EGFR: variants seen among roughly 807,000 people sequenced by gnomAD.
EGFR encodes the protein avian erythroblastic leukemia viral (v-erb-b) oncogene homolog.
Under a neutral mutation model 143.0 loss-of-function variants are expected in EGFR, and 58 were observed. The ratio of observed to expected loss-of-function variants is 0.41; its 90% CI spans 0.33 to 0.50. EGFR has a LOEUF of 0.50. Among genes scored for constraint, EGFR ranks in the 20% least tolerant of loss-of-function variants. The pLI is 0.39. For synonymous variants in EGFR, 613 were observed against 594.4 expected, an observed-to-expected ratio of 1.03 and a Z score of -0.45; for missense variants, 1,307 against 1,579.0, an observed-to-expected ratio of 0.83 and a Z score of 2.92.
chr7:55,025,171 A>C (rs928253150), intron 1 of EGFR, among the ~76,000 whole-genome samples: 3 of 152,200 alleles, frequency 2.0e-5, no homozygotes, highest in Non-Finnish European at 4.4e-5. Flanking sequence ...GTGACTGTGA[A>C]CTGACATGCT....
chr7:55,054,270 C>T (rs951259157), intron 1 of EGFR, among the ~76,000 whole-genome samples: 14 of 152,194 alleles, frequency 9.2e-5, no homozygotes, highest in African/African-American at 2.4e-4. Flanking sequence ...ACCTCTAACT[C>T]GACCTTGAGT....
At chr7:55,192,658 C>A (rs1787451260) in intron 21 of EGFR, 108 bp from the exon 22 acceptor site, 6 of 1,012,018 alleles carry the variant, frequency 5.9e-6, no homozygotes, top group Admixed American at 3.7e-5. Flanking sequence ...CTGGGGTGAT[C>A]TGGCTCGTCT....
At chr7:55,094,419 G>A (rs1158312476) in intron 1 of EGFR, among the ~76,000 whole-genome samples, 2 of 152,232 alleles carry the variant, frequency 1.3e-5, no homozygotes, top group Non-Finnish European at 2.9e-5. Flanking sequence ...GGGGAGACTG[G>A]CCTATCCTGT....
chr7:55,170,801 A>G (rs953500982), intron 15 of EGFR: 12 of 1,426,180 alleles, frequency 8.4e-6, no homozygotes, highest in Non-Finnish European at 1.0e-5. Context: ...CGTAATTAGC[A>G]TGGCCCCAGT....
chr7:55,030,491 T>C (rs1452422163), intron 1 of EGFR, among the ~76,000 whole-genome samples: 4 of 152,200 alleles, frequency 2.6e-5, no homozygotes. Flanking sequence ...ATATTTACTT[T>C]AGAAATGAGA....
In EGFR at chr7:55,174,826, T is replaced by G. The variant is rs1562785615; in HGVS notation, c.2283+6T>G. The G allele has an allele frequency of 1.9e-6, 3 of 1,612,794 alleles. No homozygotes were observed. Among genetic ancestry groups the G allele is most frequent in the Non-Finnish European group, 2.5e-6 (3 of 1,178,858 alleles). On this transcript the variant is annotated splice_donor_region_variant and intron_variant, in intron 19 of 27. Transcript: ENST00000275493. ...CCAACAAGGAAATCCTCGATGTGAG[T>G]TTCTGCTTTGCTGTGTGGGGGTCCA...
Position 55,153,946 on chromosome 7 carries a change from T to C in EGFR, c.748-65T>C, listed in dbSNP as rs2128934697. 9 of 1,611,582 alleles carry C rather than the reference T, an allele frequency of 5.6e-6. No homozygotes were observed. In the East Asian group the frequency reaches 1.3e-4, roughly 24 times the overall value. ...GACGGGAGTCAACACCGTGCTGCGCTTCCTCCGTGTGTGGCGCTGAGTGTA... is the reference window on the plus strand; with the variant it reads ...GACGGGAGTCAACACCGTGCTGCGCCTCCTCCGTGTGTGGCGCTGAGTGTA... On this transcript the variant is annotated intron_variant, in intron 6 of 27. Transcript: ENST00000275493.
chr7:55,177,342 T>C (rs1786643644), intron 19 of EGFR, among the ~76,000 whole-genome samples: 1 of 152,142 alleles, frequency 6.6e-6, no homozygotes, highest in Non-Finnish European at 1.5e-5. Flanking sequence ...AATAGCACCT[T>C]AATCCTGTGG....
chr7:55,170,360 C>A (rs749145316), intron 15 of EGFR: 2 of 1,614,200 alleles, frequency 1.2e-6, no homozygotes, highest in Non-Finnish European at 1.7e-6. Context: ...AAACTATCAT[C>A]CTGTAATCAA....
chr7:55,159,346 G>A (rs542212351), intron 11 of EGFR, among the ~76,000 whole-genome samples: 15 of 151,832 alleles, frequency 9.9e-5, no homozygotes, highest in Admixed American at 2.0e-4. Context: ...TGTCCACCGC[G>A]TGCTTTCCTG....
intron 1 of EGFR, among the ~76,000 whole-genome samples, chr7:55,069,236 T>A (rs1789687639): frequency 6.6e-6 from 1 of 152,240 alleles, no homozygotes; most frequent in Non-Finnish European, 1.5e-5. Context: ...CTGCTGTTCA[T>A]GTAAAAAGGA....
intron 15 of EGFR, chr7:55,170,859 G>C (rs1373530170): frequency 2.8e-6 from 4 of 1,411,616 alleles, no homozygotes; most frequent in African/African-American, 1.4e-5. Context: ...TGAAATTCTA[G>C]AGCCAGCTGT....
Position 55,206,406 on chromosome 7 carries a change from G to C in EGFR, c.*789G>C. 4.3e-6 allele frequency: 1 copy of C among 233,334 alleles called. No individual in the cohort carries two copies. The allele number at this position is 233,334 out of a possible 1,614,324, so 14.5% of individuals were successfully genotyped here. A position where few individuals can be genotyped will look rare whatever the true frequency, so the allele number is the denominator to read the frequency against. ...CTCAGTATGCTGCCCCTGTCTTGCT[G>C]TCATGAAATCAGCAAGAGAGGATGA... On this transcript the variant is annotated 3_prime_UTR_variant, in exon 28 of 28. Coordinates refer to ENST00000275493, the MANE Select transcript of EGFR (RefSeq NM_005228.5).
intron 1 of EGFR, among the ~76,000 whole-genome samples, chr7:55,048,561 A>AACC (rs1788310037): frequency 6.6e-6 from 1 of 152,202 alleles, no homozygotes; most frequent in African/African-American, 2.4e-5. Flanking sequence ...TATATTGGTT[A>AACC]AATGCATCTC....
At chr7:55,063,804 G>A (rs17289141) in intron 1 of EGFR, among the ~76,000 whole-genome samples, 1,647 of 152,268 alleles carry the variant, frequency 0.011, 35 homozygotes, top group African/African-American at 0.037. Context: ...CCATCAGTGC[G>A]CTCCACAGCT....
intron 1 of EGFR, among the ~76,000 whole-genome samples, chr7:55,097,497 G>A (rs1210092729): frequency 6.6e-6 from 1 of 152,222 alleles, no homozygotes; most frequent in Non-Finnish European, 1.5e-5. Flanking sequence ...CTATTGTAAA[G>A]CCAATAATAC....
chr7:55,127,749 A>G (rs893648474), intron 1 of EGFR, among the ~76,000 whole-genome samples: 41 of 152,164 alleles, frequency 2.7e-4, no homozygotes, highest in Non-Finnish European at 1.0e-4. Flanking sequence ...CAAAGTACAC[A>G]CTTCCAGTTT....
intron 1 of EGFR, among the ~76,000 whole-genome samples, chr7:55,117,677 C>T (rs556699920): frequency 6.6e-6 from 1 of 152,316 alleles, no homozygotes; most frequent in African/African-American, 2.4e-5. Flanking sequence ...TTCCCTTCTG[C>T]GCCATAGACC....
At chr7:55,124,578 A>G (rs1004629855) in intron 1 of EGFR, among the ~76,000 whole-genome samples, 4 of 152,348 alleles carry the variant, frequency 2.6e-5, no homozygotes, top group African/African-American at 9.6e-5. Flanking sequence ...TAGATGGGGC[A>G]TAACTGATCC....
Sources: allele counts gnomAD v4.1 joint callset (sites outside exome capture counted in the v4.1 genomes callset), GRCh38; gene constraint gnomAD v4.1.1; transcripts MANE v1.5; gene names NCBI Gene and HGNC (gene_info 2026-07-23, HGNC 2026-07-21).